Variants in ITGB6 observed in about 807,000 individuals in gnomAD.
ITGB6 encodes integrin subunit beta 6, also known as integrin beta-6.
In ITGB6, 80 loss-of-function variants were observed where a neutral mutation model predicts 84.5. That is an observed-to-expected ratio of 0.95 (90% CI 0.79 to 1.14). ITGB6 has a LOEUF of 1.14. Among genes scored for constraint, ITGB6 ranks in the 50% most tolerant of loss-of-function variants. ITGB6 has a pLI of 0.00. For missense variants in ITGB6, 1,006 were observed against 968.0 expected (o/e 1.04, Z -0.52); for synonymous variants, 383 against 354.9 (o/e 1.08, Z -0.89).
chr2:160,106,129 T>G (rs1240390454), intron 14 of ITGB6, among the ~76,000 whole-genome samples: 1 of 152,244 alleles, frequency 6.6e-6, no homozygotes, highest in Admixed American at 6.5e-5. Context: ...ATGGATATTT[T>G]CTAGCAATGT....
chr2:160,154,873 C>A (rs559763201), intron 7 of ITGB6, among the ~76,000 whole-genome samples: 1 of 152,140 alleles, frequency 6.6e-6, no homozygotes, highest in Non-Finnish European at 1.5e-5. Flanking sequence ...GGATTTGGGT[C>A]TCCGCCCAAA....
At chr2:160,171,110 G>C (rs1255141712) in intron 6 of ITGB6, among the ~76,000 whole-genome samples, 2 of 152,152 alleles carry the variant, frequency 1.3e-5, no homozygotes, top group Non-Finnish European at 2.9e-5. Flanking sequence ...TCAAGGAATA[G>C]TAGTGAGTAA....
intron 4 of ITGB6, among the ~76,000 whole-genome samples, chr2:160,180,124 A>AG (rs1379801902): frequency 6.7e-6 from 1 of 149,372 alleles, no homozygotes; most frequent in Non-Finnish European, 1.5e-5. Context: ...AAAAAAAAAA[A>AG]AAAACAAACA....
rs1051142276 is a variant in ITGB6 at position 160,194,540 on chromosome 2, CT to C, written c.593+828del. ...GGGCAAATAGCTAATCTCTCAGAGC[CT>C]CTTACTTCCTCTGAGTATAGGGCTG... is the stretch of plus-strand genomic sequence containing the variant. On this transcript the variant is annotated intron_variant, in intron 4 of 14. Transcript: ENST00000283249. Among the ~76,000 whole-genome samples, 23 of 151,956 alleles carry C rather than the reference CT, an allele frequency of 1.5e-4. 1 individual carries two copies. Among genetic ancestry groups the C allele is most frequent in the African/African-American group, 5.6e-4 (23 of 41,352 alleles).
chr2:160,175,595 A>G (rs1685387908), intron 4 of ITGB6, among the ~76,000 whole-genome samples: 1 of 152,242 alleles, frequency 6.6e-6, no homozygotes, highest in Non-Finnish European at 1.5e-5. Flanking sequence ...GCCCCCAGGC[A>G]TAATGCTGAA....
In ITGB6 at chr2:160,138,252, C is replaced by T. The variant is rs1329279798; in HGVS notation, c.1108-53G>A. 1.8e-5 allele frequency: 27 copies of T among 1,499,958 alleles called. No homozygotes were observed. In the East Asian group the frequency reaches 5.6e-4, roughly 31 times the overall value. 92.9% of individuals were successfully genotyped at this position (1,499,958 alleles called of 1,614,324 possible). A position where few individuals can be genotyped will look rare whatever the true frequency, so the allele number is the denominator to read the frequency against. On this transcript the variant is annotated intron_variant, in intron 8 of 14. Transcript: ENST00000283249. ...GAAGTCACAACCCCAAAAATATAGC[C>T]AGAAGAAGAAACCGTGAATCATGTT...
chr2:160,142,113 G>T, intron 7 of ITGB6, 42 bp from the exon 8 acceptor site: 1 of 1,292,868 alleles, frequency 7.7e-7, no homozygotes, highest in South Asian at 1.3e-5. Flanking sequence ...GTTTCCTCAT[G>T]GTAATTGAGA....
At chr2:160,103,812 GAAA>G (rs1051263002) in intron 14 of ITGB6, among the ~76,000 whole-genome samples, 3 of 152,136 alleles carry the variant, frequency 2.0e-5, no homozygotes, top group Non-Finnish European at 4.4e-5. Context: ...TTTGTGAACA[GAAA>G]AGACACTTGG....
At chr2:160,111,845 G>A (rs951832158) in intron 13 of ITGB6, among the ~76,000 whole-genome samples, 1 of 152,092 alleles carries the variant, frequency 6.6e-6, no homozygotes, top group Non-Finnish European at 1.5e-5. Context: ...CTCCCAAAGT[G>A]CTGGGATTAC....
intron 8 of ITGB6, among the ~76,000 whole-genome samples, chr2:160,139,156 T>C (rs537955561): frequency 1.3e-5 from 2 of 152,226 alleles, no homozygotes; most frequent in South Asian, 2.1e-4. Flanking sequence ...AAAATGAAAG[T>C]CTGTATTGTA....
Position 160,101,177 on chromosome 2 carries a change from T to C in ITGB6, c.*559A>G, listed in dbSNP as rs918159753. Reference sequence around the variant, plus strand: ...TTAGGTGTGTATAAATTCACAAAAATTATTAACACTTAACTTTCAACCTTA... The same window carrying C: ...TTAGGTGTGTATAAATTCACAAAAACTATTAACACTTAACTTTCAACCTTA... On this transcript the variant is annotated 3_prime_UTR_variant, in exon 15 of 15. Transcript: ENST00000283249. 4.4e-4 allele frequency: 67 copies of C among 152,572 alleles called. No homozygotes were observed. The highest frequency in any genetic ancestry group is 1.5e-3 in the African/African-American group (63 of 41,570). 9.5% of individuals were successfully genotyped at this position (152,572 alleles called of 1,614,324 possible).
At chr2:160,109,039 T>C (rs1374049768) in intron 13 of ITGB6, among the ~76,000 whole-genome samples, 2 of 152,198 alleles carry the variant, frequency 1.3e-5, no homozygotes, top group African/African-American at 4.8e-5. Context: ...GAATGATGTT[T>C]AGTTTATCCT....
At chr2:160,140,973 C>T (rs1390916482) in intron 8 of ITGB6, among the ~76,000 whole-genome samples, 3 of 151,984 alleles carry the variant, frequency 2.0e-5, no homozygotes, top group Non-Finnish European at 2.9e-5. Context: ...GAGGATAGGC[C>T]TATTTTTAAA....
intron 10 of ITGB6, among the ~76,000 whole-genome samples, chr2:160,131,477 T>C (rs1683466134): frequency 6.6e-6 from 1 of 152,188 alleles, no homozygotes; most frequent in South Asian, 2.1e-4. Flanking sequence ...GATCCTCTGT[T>C]GCAAATAAAA....
At chr2:160,137,935 A>C in intron 9 of ITGB6, 84 bp from the exon 10 acceptor site, 2 of 1,539,968 alleles carry the variant, frequency 1.3e-6, no homozygotes, top group Non-Finnish European at 8.8e-7. Flanking sequence ...CAGCTTTGCC[A>C]AAAGCATTTA....
At position 160,172,714 on chromosome 2, in the gene ITGB6, C is replaced by T. The variant is rs760839315; in HGVS notation, c.776G>A (p.Arg259Gln). ...GACCAGGAGGTGGAGGGAGTCATTC[C>T]GCCAGCCAATTTTTTCCTACAGTGA... is the stretch of plus-strand genomic sequence containing the variant. ...AAVCKEKIGW[R>Q]NDSLHLLVFV... Residue 259 changes from arginine (R) to glutamine (Q), a missense_variant, in exon 6 of 15, where the codon CGG becomes CAG. By Grantham distance (43) the Arg-to-Gln change is conservative. Transcript: ENST00000283249. 4.1e-5 allele frequency: 65 copies of T among 1,593,542 alleles called. No individual in the cohort carries two copies. The highest frequency in any genetic ancestry group is 1.5e-4 in the African/African-American group (11 of 74,742).
At chr2:160,180,126 A>C (rs1685605068) in intron 4 of ITGB6, among the ~76,000 whole-genome samples, 2 of 149,274 alleles carry the variant, frequency 1.3e-5, no homozygotes, top group Admixed American at 1.3e-4. Flanking sequence ...AAAAAAAAAA[A>C]AACAAACAAA....
intron 11 of ITGB6, among the ~76,000 whole-genome samples, chr2:160,124,469 G>A (rs1683156773): frequency 6.6e-6 from 1 of 152,142 alleles, no homozygotes; most frequent in African/African-American, 2.4e-5. Context: ...ATTAATACAG[G>A]CTTTTAAATA....
chr2:160,144,667 G>T (rs979427167), intron 7 of ITGB6, among the ~76,000 whole-genome samples: 7 of 152,186 alleles, frequency 4.6e-5, no homozygotes, highest in Admixed American at 1.3e-4. Context: ...CCAGGACTGA[G>T]GTGTCACAGA....
Sources: gnomAD v4.1 joint callset for allele counts (sites outside exome capture counted in the v4.1 genomes callset) on GRCh38, gnomAD v4.1.1 for gene constraint, MANE v1.5 for transcripts, NCBI Gene and HGNC (gene_info 2026-07-23, HGNC 2026-07-21) for gene names.